Variants in SCAF8 observed in about 807,000 individuals in gnomAD.
The protein encoded by SCAF8 is SR-related CTD associated factor 8, also known as SR-related and CTD-associated factor 8.
A neutral mutation model predicts 140.5 loss-of-function variants in SCAF8; 23 were observed. The observed-to-expected ratio is 0.16, with a 90% confidence interval of 0.12 to 0.23. The LOEUF (loss-of-function observed/expected upper bound fraction) is 0.23. SCAF8 is among the 10% of genes least tolerant of loss of function. The pLI, the probability that SCAF8 is intolerant of heterozygous loss-of-function variation, is 1.00. For synonymous variants in SCAF8, 575 were observed against 528.9 expected, an observed-to-expected ratio of 1.09 and a Z score of -1.20; for missense variants, 1,397 against 1,555.7, an observed-to-expected ratio of 0.90 and a Z score of 1.72.
At position 154,788,033 on chromosome 6, in the gene SCAF8, GGTTTTTTTTTTTT is replaced by G. The variant is rs751796278; in HGVS notation, c.321+20_321+32del. 6.4e-7 allele frequency: 1 copy of G among 1,568,402 alleles called. No homozygotes were observed. Among genetic ancestry groups the G allele is most frequent in the African/African-American group, 1.4e-5 (1 of 71,342 alleles). On this transcript the variant is annotated intron_variant, in intron 4 of 19. Coordinates refer to ENST00000367178, the MANE Select transcript of SCAF8 (RefSeq NM_014892.5). The stretch of plus-strand genomic sequence containing the variant: ...CCTGGGGATGACAAGGTATGCTACT[GGTTTTTTTTTTTT>G]GTTTTTTTAAAAGTAGATACAGTAG...
intron 13 of SCAF8, among the ~76,000 whole-genome samples, chr6:154,816,531 C>T (rs1005478438): frequency 3.3e-5 from 5 of 152,136 alleles, no homozygotes; most frequent in African/African-American, 9.7e-5. Flanking sequence ...CTTCCTCCTG[C>T]TGTGTGGTGA....
chr6:154,813,013 A>G (rs1279405346), intron 12 of SCAF8, among the ~76,000 whole-genome samples: 1 of 150,114 alleles, frequency 6.7e-6, no homozygotes, highest in African/African-American at 2.5e-5. Context: ...AGCCTGAGCA[A>G]CAAAGTGAGA....
At chr6:154,757,362 CAAAAG>C (rs891506239) in intron 1 of SCAF8, among the ~76,000 whole-genome samples, 2 of 152,086 alleles carry the variant, frequency 1.3e-5, no homozygotes, top group African/African-American at 4.8e-5. Flanking sequence ...CAAAACTTGT[CAAAAG>C]TAAAGTTCTG....
rs1374864127 is a variant in SCAF8 at position 154,746,145 on chromosome 6, C to T, written c.30+12215C>T. 3.3e-5 allele frequency among the ~76,000 whole-genome samples: 5 copies of T among 152,206 alleles called. No individual in the cohort carries two copies. The South Asian group carries it at 8.3e-4, about 25-fold the overall frequency. On this transcript the variant is annotated intron_variant, in intron 1 of 19. Coordinates refer to ENST00000367178, the MANE Select transcript of SCAF8 (RefSeq NM_014892.5). ...AAGTGATCCATCTGCCTTGGCCTCC[C>T]AAAGTGCTGGGATTACAGGTTTAAG...
chr6:154,733,566 AGAGGGAGGGGGACC>A lies in SCAF8; in HGVS notation c.-332_-319del. 1 of 1,281,722 alleles carries A rather than the reference AGAGGGAGGGGGACC, an allele frequency of 7.8e-7. No homozygotes were observed. Among genetic ancestry groups the A allele is most frequent in the Non-Finnish European group, 9.8e-7 (1 of 1,016,682 alleles). The allele number at this position is 1,281,722 out of a possible 1,614,324, so 79.4% of individuals were successfully genotyped here. A position where few individuals can be genotyped will look rare whatever the true frequency, so the allele number is the denominator to read the frequency against. Reference sequence around the variant, plus strand: ...AGTGGAGAGTGTAGGGGAAGGGGCTAGAGGGAGGGGGACCGAAACGGAGCGGGGCAGAGAAGAGA... The same window carrying A: ...AGTGGAGAGTGTAGGGGAAGGGGCTAGAAACGGAGCGGGGCAGAGAAGAGA... On this transcript the variant is annotated 5_prime_UTR_variant, in exon 1 of 20. Transcript: ENST00000367178.
chr6:154,832,706 A>G lies in SCAF8; in HGVS notation c.3127A>G (p.Ile1043Val), dbSNP rs79055149. 95 of 1,614,040 alleles carry G rather than the reference A, an allele frequency of 5.9e-5. 1 individual carries two copies. The East Asian group carries it at 1.7e-3, about 29-fold the overall frequency. Residue 1043 changes from isoleucine (I) to valine (V), a missense_variant, in exon 20 of 20, where the codon ATA becomes GTA. By Grantham distance (29) the Ile-to-Val change is conservative. Transcript: ENST00000367178. ...TGTTAGAGATGTGGTTGGGCGGCCT[A>G]TAGATCCAAGAGAAGGTCCTGGACG... ...VDVRDVVGRP[I>V]DPREGPGRPP...
chr6:154,737,782 C>T (rs1778464116), intron 1 of SCAF8, among the ~76,000 whole-genome samples: 1 of 152,042 alleles, frequency 6.6e-6, no homozygotes, highest in African/African-American at 2.4e-5. Flanking sequence ...GGGGTTTTGC[C>T]ATGTTGCCCT....
At chr6:154,779,695 G>A (rs1777025794) in intron 3 of SCAF8, among the ~76,000 whole-genome samples, 1 of 151,816 alleles carries the variant, frequency 6.6e-6, no homozygotes, top group Non-Finnish European at 1.5e-5. Context: ...AAACTTAAAT[G>A]CTTTGCTATT....
chr6:154,814,156 T>C (rs1170233733), intron 12 of SCAF8, among the ~76,000 whole-genome samples: 2 of 152,194 alleles, frequency 1.3e-5, no homozygotes, highest in African/African-American at 4.8e-5. Context: ...ACCACATCTC[T>C]GCTAAAGATA....
At chr6:154,755,008 A>C (rs1045319073) in intron 1 of SCAF8, among the ~76,000 whole-genome samples, 4 of 152,296 alleles carry the variant, frequency 2.6e-5, no homozygotes, top group African/African-American at 9.6e-5. Flanking sequence ...AAAGTTGAAA[A>C]CTTGGAATTA....
chr6:154,812,241 C>A (rs1778115020), intron 12 of SCAF8, among the ~76,000 whole-genome samples: 1 of 114,528 alleles, frequency 8.7e-6, no homozygotes, highest in Admixed American at 1.0e-4. Context: ...TTGAGTACCT[C>A]TCTTGGCACT....
chr6:154,746,894 ATTAAC>A (rs1359427562), intron 1 of SCAF8, among the ~76,000 whole-genome samples: 1 of 152,192 alleles, frequency 6.6e-6, no homozygotes, highest in Non-Finnish European at 1.5e-5. Context: ...TTAAAGATAA[ATTAAC>A]TTTAATCATT....
intron 15 of SCAF8, among the ~76,000 whole-genome samples, chr6:154,821,161 GT>G (rs1162293044): frequency 6.6e-6 from 1 of 152,158 alleles, no homozygotes; most frequent in Non-Finnish European, 1.5e-5. Flanking sequence ...AATTATGGCA[GT>G]GAGACAAATA....
intron 2 of SCAF8, among the ~76,000 whole-genome samples, chr6:154,777,205 A>G (rs1776942585): frequency 6.6e-6 from 1 of 152,126 alleles, no homozygotes; most frequent in African/African-American, 2.4e-5. Context: ...AAAAAAGTAT[A>G]AAGAGAAGCA....
chr6:154,744,658 G>A (rs763411013), intron 1 of SCAF8, among the ~76,000 whole-genome samples: 3 of 152,116 alleles, frequency 2.0e-5, no homozygotes, highest in Non-Finnish European at 4.4e-5. Context: ...AGGTGTAAAG[G>A]GGAACCATCA....
intron 13 of SCAF8, among the ~76,000 whole-genome samples, chr6:154,816,562 T>C (rs772654386): frequency 6.6e-6 from 1 of 152,146 alleles, no homozygotes; most frequent in Non-Finnish European, 1.5e-5. Flanking sequence ...AGTCATTTGT[T>C]TGGGGAGACA....
chr6:154,767,574 G>C (rs1776618570), intron 1 of SCAF8, among the ~76,000 whole-genome samples: 1 of 125,726 alleles, frequency 8.0e-6, no homozygotes, highest in South Asian at 2.4e-4. Context: ...GCGTCTCACT[G>C]TGTCACCCAG....
chr6:154,770,390 T>A (rs571388275), intron 1 of SCAF8, among the ~76,000 whole-genome samples: 1,267 of 31,532 alleles, frequency 0.04, 14 homozygotes, highest in African/African-American at 0.25. Context: ...ACACACACAC[T>A]CTCTCTCTCT....
intron 15 of SCAF8, among the ~76,000 whole-genome samples, 185 bp downstream of exon 15, chr6:154,820,518 T>C (rs1003807135): frequency 1.5e-4 from 23 of 152,216 alleles, no homozygotes; most frequent in Non-Finnish European, 2.9e-4. Flanking sequence ...TGTCAAAGTA[T>C]AGATTAGAAA....
Sources: allele counts gnomAD v4.1 joint callset (sites outside exome capture counted in the v4.1 genomes callset), GRCh38; gene constraint gnomAD v4.1.1; transcripts MANE v1.5; gene names NCBI Gene and HGNC (gene_info 2026-07-23, HGNC 2026-07-21).